Variants in MGAT5 observed in about 807,000 individuals in gnomAD.
MGAT5 encodes alpha-1,6-mannosylglycoprotein 6-beta-N-acetylglucosaminyltransferase.
A neutral mutation model predicts 94.3 loss-of-function variants in MGAT5; 30 were observed. That is an observed-to-expected ratio of 0.32 (90% CI 0.24 to 0.43). The LOEUF (loss-of-function observed/expected upper bound fraction) is 0.43. MGAT5 is among the 20% of genes least tolerant of loss of function. The pLI is 1.00. For missense variants in MGAT5, 691 were observed against 905.5 expected, an observed-to-expected ratio of 0.76 and a Z score of 3.04; for synonymous variants, 310 against 322.9, an observed-to-expected ratio of 0.96 and a Z score of 0.43.
At position 134,452,908 on chromosome 2, in the gene MGAT5, TG is replaced by T. The variant is rs1240281257; in HGVS notation, c.*4062del. ...GCTGGGAGTTTCGTGAAGCTGAGGGTGAGTTCCTGTGATTCTTGTTCGCTTC... is the reference window on the plus strand; with the variant it reads ...GCTGGGAGTTTCGTGAAGCTGAGGGTAGTTCCTGTGATTCTTGTTCGCTTC... On this transcript the variant is annotated 3_prime_UTR_variant, in exon 16 of 16. Coordinates refer to ENST00000281923, the MANE Select transcript of MGAT5 (RefSeq NM_002410.5). 6.6e-6 allele frequency: 1 copy of T among 152,164 alleles called. No homozygotes were observed. Among genetic ancestry groups the T allele is most frequent in the African/African-American group, 2.4e-5 (1 of 41,432 alleles). The allele number at this position is 152,164 out of a possible 1,614,324, so 9.4% of individuals were successfully genotyped here.
At chr2:134,321,572 A>G (rs1412931685) in intron 4 of MGAT5, among the ~76,000 whole-genome samples, 2 of 152,182 alleles carry the variant, frequency 1.3e-5, no homozygotes, top group Non-Finnish European at 2.9e-5. Context: ...AAGAGACATG[A>G]TGGATCACAT....
At chr2:134,225,952 T>G (rs938970633) in intron 1 of MGAT5, among the ~76,000 whole-genome samples, 7 of 152,236 alleles carry the variant, frequency 4.6e-5, no homozygotes, top group African/African-American at 1.4e-4. Context: ...GGAGCTGTCC[T>G]GATTCCTCTT....
chr2:134,191,128 A>G (rs1689354612), intron 1 of MGAT5, among the ~76,000 whole-genome samples: 1 of 152,212 alleles, frequency 6.6e-6, no homozygotes, highest in South Asian at 2.1e-4. Flanking sequence ...TGTGCCTGGC[A>G]CATAGTACGC....
intron 2 of MGAT5, among the ~76,000 whole-genome samples, chr2:134,308,272 T>A (rs1047713055): frequency 2.0e-5 from 3 of 152,096 alleles, no homozygotes; most frequent in Non-Finnish European, 4.4e-5. Flanking sequence ...TTCCAGTGGT[T>A]ACTTAAGGTT....
chr2:134,264,351 CT>C (rs1683560852), intron 1 of MGAT5, among the ~76,000 whole-genome samples: 1 of 152,098 alleles, frequency 6.6e-6, no homozygotes, highest in Admixed American at 6.6e-5. Flanking sequence ...TGACTGTATA[CT>C]TTTCGTTTTT....
Position 134,274,171 on chromosome 2 carries a change from T to G in MGAT5, c.406+3621T>G, listed in dbSNP as rs138394614. On this transcript the variant is annotated intron_variant, in intron 2 of 15. Transcript: ENST00000281923. The stretch of plus-strand genomic sequence containing the variant: ...CCTTCTAAGGACTGAATGTCTGATA[T>G]ATCTTTGTTCTGCCCATAGTGTCTT... 5.8e-4 allele frequency among the ~76,000 whole-genome samples: 89 copies of G among 152,366 alleles called. No individual in the cohort carries two copies. In the East Asian group the frequency reaches 0.014, roughly 24 times the overall value.
upstream of MGAT5, among the ~76,000 whole-genome samples, chr2:134,250,856 G>A (rs979716145): frequency 2.0e-5 from 3 of 152,106 alleles, no homozygotes; most frequent in East Asian, 1.9e-4. Flanking sequence ...ATCTCTTTGC[G>A]CCTCTGATAC....
chr2:134,283,958 G>T (rs890792411), intron 2 of MGAT5, among the ~76,000 whole-genome samples: 1 of 152,132 alleles, frequency 6.6e-6, no homozygotes, highest in African/African-American at 2.4e-5. Context: ...GCTAGAGACT[G>T]TGAGCCCTAG....
chr2:134,438,747 G>A (rs763984251), intron 14 of MGAT5, among the ~76,000 whole-genome samples: 6 of 152,154 alleles, frequency 3.9e-5, no homozygotes. Flanking sequence ...CTGTCTAGTT[G>A]TCTGTCTCTG....
intron 4 of MGAT5, among the ~76,000 whole-genome samples, chr2:134,328,221 A>AC (rs747541040): frequency 1.3e-4 from 20 of 151,556 alleles, no homozygotes; most frequent in African/African-American, 2.2e-4. Flanking sequence ...TAAATTCTGC[A>AC]CCCCCCCTCA....
At chr2:134,127,519 A>AC (rs1388384309) in intron 1 of MGAT5, among the ~76,000 whole-genome samples, 1 of 101,192 alleles carries the variant, frequency 9.9e-6, no homozygotes, top group Non-Finnish European at 1.9e-5. Context: ...GCTTGTTCCA[A>AC]CCCCCCCAAA....
At chr2:134,292,049 G>A (rs1685401116) in intron 2 of MGAT5, among the ~76,000 whole-genome samples, 1 of 151,850 alleles carries the variant, frequency 6.6e-6, no homozygotes, top group Non-Finnish European at 1.5e-5. Flanking sequence ...TTTAGAGATG[G>A]GCATTTCTAA....
At chr2:134,120,437 C>T (rs1685511554) in intron 1 of MGAT5, 1 of 325,422 alleles carries the variant, frequency 3.1e-6, no homozygotes, top group African/African-American at 2.2e-5. Flanking sequence ...TCGGGGGCTT[C>T]CTTCCGTCGC....
rs112354971 is a variant in MGAT5, at chr2:134,429,402, A to G, written c.1869+963A>G. ...TCTGATATGCTGAGCTTTTGTTAGC[A>G]GCAAGAGAGCGCGCTCTGCAGCCAG... On this transcript the variant is annotated intron_variant, in intron 14 of 15. Coordinates refer to ENST00000281923, the MANE Select transcript of MGAT5 (RefSeq NM_002410.5). Among the ~76,000 whole-genome samples, 1,237 of 152,314 alleles carry G rather than the reference A, an allele frequency of 8.1e-3. 15 individuals carry two copies. The highest frequency in any genetic ancestry group is 0.028 in the African/African-American group (1,183 of 41,558).
chr2:134,233,657 G>A (rs1400790881), intron 1 of MGAT5, among the ~76,000 whole-genome samples: 2 of 152,150 alleles, frequency 1.3e-5, no homozygotes, highest in Non-Finnish European at 2.9e-5. Context: ...GGCCTCTGGG[G>A]CTCATTGTAG....
chr2:134,217,269 G>GTGTGTGTGTGTGTA (rs1404140643), intron 1 of MGAT5, among the ~76,000 whole-genome samples: 2 of 151,426 alleles, frequency 1.3e-5, no homozygotes, highest in African/African-American at 4.9e-5. Context: ...GTGTGTGTGT[G>GTGTGTGTGTGTGTA]TAAAATATAC....
At chr2:134,291,040 A>G (rs10207296) in intron 2 of MGAT5, among the ~76,000 whole-genome samples, 133,094 of 152,182 alleles carry the variant, frequency 0.87, 59,925 homozygotes, top group Non-Finnish European at 0.99. Flanking sequence ...GACAGTTTAC[A>G]TGTAATGTCA....
intron 13 of MGAT5, among the ~76,000 whole-genome samples, chr2:134,426,559 G>A (rs568227439): frequency 6.6e-6 from 1 of 152,190 alleles, no homozygotes; most frequent in East Asian, 1.9e-4. Context: ...TTATTTCACT[G>A]TACAAATCCT....
At chr2:134,155,324 A>G (rs1396775805) in intron 1 of MGAT5, among the ~76,000 whole-genome samples, 1 of 152,182 alleles carries the variant, frequency 6.6e-6, no homozygotes, top group Non-Finnish European at 1.5e-5. Context: ...TGAAAATGCA[A>G]AGCAGATCAT....
Sources: gnomAD v4.1 joint callset for allele counts (sites outside exome capture counted in the v4.1 genomes callset) on GRCh38, gnomAD v4.1.1 for gene constraint, MANE v1.5 for transcripts, NCBI Gene and HGNC (gene_info 2026-07-23, HGNC 2026-07-21) for gene names.